SND1: variants seen among roughly 807,000 people sequenced by gnomAD.
SND1 encodes staphylococcal nuclease domain-containing protein 1.
SND1 carries 38 observed loss-of-function variants against 121.7 expected under a neutral mutation model. The ratio of observed to expected loss-of-function variants is 0.31; its 90% CI spans 0.24 to 0.41. The LOEUF is 0.41. SND1 is among the 10% of genes least tolerant of loss of function. The probability of loss-of-function intolerance (pLI) is 1.00; values close to 1 mark genes in which losing one functional copy is unlikely to be tolerated. For missense variants in SND1, 868 were observed against 1,184.6 expected, an observed-to-expected ratio of 0.73 and a Z score of 3.92; for synonymous variants, 401 against 447.4, an observed-to-expected ratio of 0.90 and a Z score of 1.31.
intron 12 of SND1, among the ~76,000 whole-genome samples, chr7:127,852,604 G>T (rs1228835092): frequency 6.6e-6 from 1 of 152,086 alleles, no homozygotes; most frequent in Non-Finnish European, 1.5e-5. Context: ...GAGGTCAGGA[G>T]TTCAAGACCA....
intron 12 of SND1, among the ~76,000 whole-genome samples, chr7:127,845,147 GA>G (rs1172955935): frequency 6.6e-6 from 1 of 152,210 alleles, no homozygotes; most frequent in Non-Finnish European, 1.5e-5. Flanking sequence ...TGATGGGGAA[GA>G]AAATAATAGG....
intron 14 of SND1, among the ~76,000 whole-genome samples, chr7:127,921,007 T>G (rs1800695377): frequency 1.3e-5 from 2 of 152,226 alleles, no homozygotes; most frequent in African/African-American, 4.8e-5. Flanking sequence ...TTCATATGGT[T>G]AAATTTGGGA....
intron 14 of SND1, among the ~76,000 whole-genome samples, chr7:127,910,668 G>C (rs1326490357): frequency 6.6e-6 from 1 of 152,080 alleles, no homozygotes; most frequent in Non-Finnish European, 1.5e-5. Context: ...TCTGGTATTT[G>C]ATGGCACAAA....
At chr7:127,948,170 G>A (rs890750080) in intron 15 of SND1, among the ~76,000 whole-genome samples, 1 of 152,206 alleles carries the variant, frequency 6.6e-6, no homozygotes, top group Non-Finnish European at 1.5e-5. Flanking sequence ...AGACTGTAGT[G>A]ATTCCTGTAT....
At chr7:128,013,663 G>C (rs568788609) in intron 16 of SND1, among the ~76,000 whole-genome samples, 1 of 152,166 alleles carries the variant, frequency 6.6e-6, no homozygotes, top group Non-Finnish European at 1.5e-5. Flanking sequence ...CATTAGATTC[G>C]CATAAGGAGC....
intron 16 of SND1, among the ~76,000 whole-genome samples, chr7:127,991,331 A>C (rs1453998468): frequency 6.6e-6 from 1 of 152,238 alleles, no homozygotes; most frequent in African/African-American, 2.4e-5. Flanking sequence ...ACATCTTTGC[A>C]TTCTTCCTCC....
intron 3 of SND1, among the ~76,000 whole-genome samples, chr7:127,697,370 A>G (rs976721348): frequency 1.3e-5 from 2 of 152,140 alleles, no homozygotes; most frequent in African/African-American, 4.8e-5. Flanking sequence ...GAAGTGGGCC[A>G]TTTCAGCAAG....
At chr7:128,072,015 C>T (rs745887525) in intron 16 of SND1, among the ~76,000 whole-genome samples, 8 of 152,194 alleles carry the variant, frequency 5.3e-5, no homozygotes, top group Admixed American at 2.6e-4. Context: ...AGCCCGGCTG[C>T]ACCCTGCAGT....
At chr7:127,756,882 G>C (rs752425491) in intron 10 of SND1, among the ~76,000 whole-genome samples, 2 of 151,960 alleles carry the variant, frequency 1.3e-5, no homozygotes, top group African/African-American at 2.4e-5. Context: ...AATATAAATG[G>C]TATTAATCTG....
At chr7:128,061,953 G>C (rs1293159570) in intron 16 of SND1, among the ~76,000 whole-genome samples, 1 of 152,242 alleles carries the variant, frequency 6.6e-6, no homozygotes, top group Non-Finnish European at 1.5e-5. Flanking sequence ...CCAGGCTCAG[G>C]GGCTCAGCGT....
intron 10 of SND1, among the ~76,000 whole-genome samples, chr7:127,743,612 A>G (rs1454064474): frequency 6.6e-6 from 1 of 152,168 alleles, no homozygotes; most frequent in African/African-American, 2.4e-5. Context: ...CTGTGTTTTA[A>G]AGTGATTGGA....
chr7:127,891,693 C>A (rs531369728), intron 13 of SND1, among the ~76,000 whole-genome samples: 3 of 152,096 alleles, frequency 2.0e-5, no homozygotes, highest in Non-Finnish European at 4.4e-5. Context: ...TTTCTGGGCC[C>A]TGAATAAAAC....
intron 16 of SND1, among the ~76,000 whole-genome samples, chr7:128,009,886 A>T (rs1342016259): frequency 6.6e-6 from 1 of 152,234 alleles, no homozygotes. Context: ...TGCCGGATCA[A>T]GTCAGACAAC....
At chr7:127,952,327 A>G (rs941803223) in intron 15 of SND1, among the ~76,000 whole-genome samples, 3 of 152,192 alleles carry the variant, frequency 2.0e-5, no homozygotes, top group Non-Finnish European at 4.4e-5. Context: ...TGTGGCACCA[A>G]TGTGCATTTC....
chr7:127,828,549 G>C (rs1798683929), intron 11 of SND1, among the ~76,000 whole-genome samples: 1 of 152,020 alleles, frequency 6.6e-6, no homozygotes, highest in Admixed American at 6.6e-5. Context: ...GTATAATCTT[G>C]GTTATTGTAT....
At chr7:127,800,682 C>T (rs886694591) in intron 10 of SND1, among the ~76,000 whole-genome samples, 6 of 152,098 alleles carry the variant, frequency 3.9e-5, no homozygotes, top group Non-Finnish European at 8.8e-5. Flanking sequence ...CTTTTTCAGC[C>T]TTGATATTCT....
intron 17 of SND1, among the ~76,000 whole-genome samples, chr7:128,077,473 A>G (rs779758634): frequency 4.6e-5 from 7 of 152,206 alleles, no homozygotes; most frequent in Non-Finnish European, 8.8e-5. Context: ...CGAGCAAGAC[A>G]GGAACTTGCA....
At chr7:127,680,247 C>T (rs559010614) in intron 1 of SND1, among the ~76,000 whole-genome samples, 46 of 152,230 alleles carry the variant, frequency 3.0e-4, no homozygotes, top group Middle Eastern at 6.8e-3. Flanking sequence ...AGGGCGAGAT[C>T]ACAGGACCAC....
At chr7:127,660,448 A>G (rs1407842096) in intron 1 of SND1, among the ~76,000 whole-genome samples, 1 of 152,160 alleles carries the variant, frequency 6.6e-6, no homozygotes, top group Non-Finnish European at 1.5e-5. Context: ...GCTTGGAGCC[A>G]GGACTTTGGT....
Sources: allele counts gnomAD v4.1 joint callset (sites outside exome capture counted in the v4.1 genomes callset), GRCh38; gene constraint gnomAD v4.1.1; transcripts MANE v1.5; gene names NCBI Gene and HGNC (gene_info 2026-07-23, HGNC 2026-07-21).